Variants in WDPCP observed in about 807,000 individuals in gnomAD.
WDPCP encodes WD repeat containing planar cell polarity effector.
WDPCP carries 71 observed loss-of-function variants against 93.1 expected under a neutral mutation model. That is an observed-to-expected ratio of 0.76 (90% confidence interval 0.63 to 0.93). The LOEUF is 0.93. Ranked by LOEUF, WDPCP falls within the 40% of genes least tolerant of loss-of-function variation. WDPCP has a pLI of 0.00. For synonymous variants in WDPCP, 315 were observed against 315.0 expected, an observed-to-expected ratio of 1.00 and a Z score of 0.00; for missense variants, 844 against 887.4, an observed-to-expected ratio of 0.95 and a Z score of 0.62.
chr2:63,447,649 T>A (rs978059320), intron 6 of WDPCP, among the ~76,000 whole-genome samples: 3 of 152,110 alleles, frequency 2.0e-5, no homozygotes, highest in African/African-American at 7.2e-5. Flanking sequence ...TATGTCCAAT[T>A]TCCATATTTA....
intron 14 of WDPCP, among the ~76,000 whole-genome samples, chr2:63,175,765 T>C (rs1183519948): frequency 1.3e-5 from 2 of 152,244 alleles, no homozygotes; most frequent in Non-Finnish European, 2.9e-5. Context: ...TGACAAGATT[T>C]CTTCCTTTTT....
rs1373235542 is a variant in WDPCP, at chr2:63,485,030, A to C, written c.254-43T>G. The C allele has an allele frequency of 3.1e-6, 5 of 1,608,156 alleles. No homozygotes were observed. The South Asian group carries it at 5.5e-5, about 18-fold the overall frequency. On this transcript the variant is annotated intron_variant, in intron 4 of 17. Coordinates refer to ENST00000272321, the MANE Select transcript of WDPCP (RefSeq NM_015910.7). ...TACTACAGTTAGTTAAACAAGATTT[A>C]AAAAGGAAATTCTGCTTAGCAGTGT... is the stretch of plus-strand genomic sequence containing the variant.
chr2:63,428,499 A>G (rs1696486224), intron 9 of WDPCP, among the ~76,000 whole-genome samples: 1 of 152,236 alleles, frequency 6.6e-6, no homozygotes, highest in South Asian at 2.1e-4. Context: ...GATTACCTCA[A>G]TAGATGCAGA....
chr2:63,534,749 A>G (rs186127836), intron 1 of WDPCP, among the ~76,000 whole-genome samples: 29 of 152,334 alleles, frequency 1.9e-4, no homozygotes, highest in African/African-American at 7.0e-4. Flanking sequence ...CCCACAGCCA[A>G]TATCATACTG....
At chr2:63,798,261 C>T (rs1284101001) in intron 2 of WDPCP, among the ~76,000 whole-genome samples, 1 of 152,106 alleles carries the variant, frequency 6.6e-6, no homozygotes, top group African/African-American at 2.4e-5. Context: ...ATTAAGTACA[C>T]AGAAAAACGC....
intron 12 of WDPCP, among the ~76,000 whole-genome samples, chr2:63,329,665 A>G (rs1465245227): frequency 6.6e-6 from 1 of 152,108 alleles, no homozygotes; most frequent in African/African-American, 2.4e-5. Flanking sequence ...ATTTAAAAAA[A>G]TTTTAAATGT....
At chr2:63,210,150 T>A (rs979048683) in intron 14 of WDPCP, among the ~76,000 whole-genome samples, 3 of 151,832 alleles carry the variant, frequency 2.0e-5, no homozygotes, top group Non-Finnish European at 4.4e-5. Context: ...AAATGTTATA[T>A]ATTTACAGAA....
At chr2:63,525,884 T>C (rs1011902336) in intron 1 of WDPCP, among the ~76,000 whole-genome samples, 1 of 152,192 alleles carries the variant, frequency 6.6e-6, no homozygotes, top group East Asian at 1.9e-4. Context: ...TTTCATTTTT[T>C]CCTCCCATCT....
intron 2 of WDPCP, among the ~76,000 whole-genome samples, chr2:63,673,021 G>A (rs1710362929): frequency 6.6e-6 from 1 of 152,110 alleles, no homozygotes; most frequent in South Asian, 2.1e-4. Flanking sequence ...CCAAAGTGCT[G>A]GGATTACAGG....
Position 63,382,102 on chromosome 2 carries a change from A to G in WDPCP, c.1436-8T>C, listed in dbSNP as rs1692363317. On this transcript the variant is annotated splice_region_variant and splice_polypyrimidine_tract_variant and intron_variant, in intron 10 of 17. Coordinates refer to ENST00000272321, the MANE Select transcript of WDPCP (RefSeq NM_015910.7). ...GTCCTCGAGTGAAGACGCCTATCAC[A>G]AAACATGGAAAACCAGGTGAATCTT... 1 of 1,610,884 alleles carries G rather than the reference A, an allele frequency of 6.2e-7. No individual in the cohort carries two copies. The highest frequency in any genetic ancestry group is 8.5e-7 in the Non-Finnish European group (1 of 1,178,602).
intron 17 of WDPCP, among the ~76,000 whole-genome samples, chr2:63,136,884 A>G (rs1279912005): frequency 6.6e-6 from 1 of 152,166 alleles, no homozygotes; most frequent in African/African-American, 2.4e-5. Context: ...TGAATGGGAC[A>G]TGATCTTGTT....
At chr2:63,357,523 A>T (rs1484669541) in intron 12 of WDPCP, among the ~76,000 whole-genome samples, 1 of 152,206 alleles carries the variant, frequency 6.6e-6, no homozygotes, top group Non-Finnish European at 1.5e-5. Flanking sequence ...GCTCAGTATC[A>T]CTGATTAGAG....
At chr2:63,195,838 C>T (rs531399045) in intron 14 of WDPCP, among the ~76,000 whole-genome samples, 8 of 152,148 alleles carry the variant, frequency 5.3e-5, no homozygotes, top group African/African-American at 1.7e-4. Context: ...CACTTATAGA[C>T]CATACATGGA....
In WDPCP at chr2:63,388,481, C is replaced by T. The variant is rs184333336; in HGVS notation, c.1436-6387G>A. On this transcript the variant is annotated intron_variant, in intron 10 of 17. Coordinates refer to ENST00000272321, the MANE Select transcript of WDPCP (RefSeq NM_015910.7). Reference sequence around the variant, plus strand: ...AAGCTGAAAATTCTAAAAACCAGAGCGCCTCTTCTCCTCCAAAGGATCGCA... The same window carrying T: ...AAGCTGAAAATTCTAAAAACCAGAGTGCCTCTTCTCCTCCAAAGGATCGCA... Among the ~76,000 whole-genome samples the T allele has an allele frequency of 9.2e-5, 14 of 152,186 alleles. No homozygotes were observed. In the East Asian group the frequency reaches 9.7e-4, roughly 10 times the overall value.
chr2:63,378,043 C>T (rs907719664), intron 12 of WDPCP: 3 of 256,934 alleles, frequency 1.2e-5, no homozygotes, highest in Non-Finnish European at 1.5e-5. Context: ...CAGAGCTTTA[C>T]AGAACATTCA....
intron 2 of WDPCP, among the ~76,000 whole-genome samples, chr2:63,688,718 G>A (rs1466068213): frequency 6.6e-6 from 1 of 152,090 alleles, no homozygotes; most frequent in Non-Finnish European, 1.5e-5. Context: ...TTGCATGCCT[G>A]TATCAAAATA....
chr2:63,411,293 A>G (rs549863716), intron 9 of WDPCP, among the ~76,000 whole-genome samples: 13 of 152,218 alleles, frequency 8.5e-5, no homozygotes, highest in African/African-American at 1.4e-4. Context: ...CACTGGGTCA[A>G]AAACAAAGTC....
chr2:63,355,460 A>G (rs1179525038), intron 12 of WDPCP, among the ~76,000 whole-genome samples: 1 of 152,206 alleles, frequency 6.6e-6, no homozygotes, highest in Non-Finnish European at 1.5e-5. Context: ...AGCATTAAAT[A>G]TAGAAAGAAA....
intron 10 of WDPCP, among the ~76,000 whole-genome samples, chr2:63,399,642 AAG>A (rs754054843): frequency 2.0e-5 from 3 of 149,234 alleles, no homozygotes; most frequent in African/African-American, 7.4e-5. Flanking sequence ...GTATGTGAGA[AAG>A]AGAGAGCATG....
Sources: gnomAD v4.1 joint callset for allele counts (sites outside exome capture counted in the v4.1 genomes callset) on GRCh38, gnomAD v4.1.1 for gene constraint, MANE v1.5 for transcripts, NCBI Gene and HGNC (gene_info 2026-07-23, HGNC 2026-07-21) for gene names.